Variants in FOCAD observed in about 807,000 individuals in gnomAD.
The protein encoded by FOCAD is KIAA1797.
A neutral mutation model predicts 225.6 loss-of-function variants in FOCAD; 198 were observed. That is an observed-to-expected ratio of 0.88 (90% CI 0.78 to 0.99). The LOEUF (loss-of-function observed/expected upper bound fraction) is 0.99. Ranked by LOEUF, FOCAD falls within the 50% of genes least tolerant of loss-of-function variation. The pLI is 0.00. For synonymous variants in FOCAD, 897 were observed against 755.0 expected (o/e 1.19, Z -3.08); for missense variants, 2,713 against 2,123.6 (o/e 1.28, Z -5.46).
At chr9:20,877,075 A>G (rs1338580326) in intron 19 of FOCAD, among the ~76,000 whole-genome samples, 1 of 152,194 alleles carries the variant, frequency 6.6e-6, no homozygotes, top group African/African-American at 2.4e-5. Flanking sequence ...TCACATAACC[A>G]TAGTATGATA....
upstream of FOCAD, among the ~76,000 whole-genome samples, chr9:20,681,272 A>C (rs999209303): frequency 6.6e-6 from 1 of 152,088 alleles, no homozygotes; most frequent in East Asian, 1.9e-4. Context: ...TTCTTTTTTT[A>C]ATAGAGATGG....
intron 5 of FOCAD, among the ~76,000 whole-genome samples, chr9:20,742,808 A>G (rs1827739759): frequency 6.6e-6 from 1 of 152,134 alleles, no homozygotes; most frequent in Admixed American, 6.6e-5. Context: ...CAATTGCTGC[A>G]AGGTGTGAAT....
intron 2 of FOCAD, among the ~76,000 whole-genome samples, chr9:20,716,518 C>G (rs887294210): frequency 1.3e-5 from 2 of 151,990 alleles, no homozygotes; most frequent in Non-Finnish European, 2.9e-5. Flanking sequence ...TAAATTCAAC[C>G]TGGTGGGGAA....
intron 21 of FOCAD, among the ~76,000 whole-genome samples, chr9:20,893,673 A>T (rs1831826958): frequency 6.6e-6 from 1 of 152,084 alleles, no homozygotes; most frequent in South Asian, 2.1e-4. Context: ...TTGAATTTAG[A>T]TGTGCTCTGT....
At chr9:20,926,884 TACAC>T (rs1320828599) in intron 26 of FOCAD, among the ~76,000 whole-genome samples, 1 of 151,028 alleles carries the variant, frequency 6.6e-6, no homozygotes. Flanking sequence ...GAACTTTAAA[TACAC>T]ACACACACGA....
intron 15 of FOCAD, among the ~76,000 whole-genome samples, chr9:20,829,423 T>C (rs1825266034): frequency 6.6e-6 from 1 of 152,084 alleles, no homozygotes; most frequent in African/African-American, 2.4e-5. Context: ...ATCTGTTTTT[T>C]TTTCAAACTA....
At chr9:20,928,351 A>C (rs1262104764) in intron 26 of FOCAD, among the ~76,000 whole-genome samples, 1 of 152,170 alleles carries the variant, frequency 6.6e-6, no homozygotes, top group Non-Finnish European at 1.5e-5. Flanking sequence ...TGCTATATTA[A>C]TTTAAAGTGT....
At chr9:20,729,777 C>T (rs1826518678) in intron 4 of FOCAD, among the ~76,000 whole-genome samples, 1 of 152,060 alleles carries the variant, frequency 6.6e-6, no homozygotes. Flanking sequence ...AGCTTTGAAA[C>T]ATAATTGTGC....
Position 20,802,770 on chromosome 9 carries a change from G to T in FOCAD, c.1455+13162G>T, listed in dbSNP as rs1048385131. 1.9e-4 allele frequency among the ~76,000 whole-genome samples: 29 copies of T among 152,066 alleles called. 1 individual carries two copies. The highest frequency in any genetic ancestry group is 4.1e-4 in the Non-Finnish European group (28 of 68,024). ...AGCTCAGGTTAATTTGATATAGGCG[G>T]AATTAAAACATAAGCAGGTGTTGAA... On this transcript the variant is annotated intron_variant, in intron 11 of 43. Coordinates refer to ENST00000338382, the MANE Select transcript of FOCAD (RefSeq NM_001375567.1).
At chr9:20,839,640 A>G (rs1826318060) in intron 15 of FOCAD, among the ~76,000 whole-genome samples, 1 of 148,256 alleles carries the variant, frequency 6.7e-6, no homozygotes, top group Non-Finnish European at 1.5e-5. Flanking sequence ...GAACTATGCA[A>G]TCACTTAATT....
At chr9:20,967,377 A>G (rs1479606656) in intron 35 of FOCAD, among the ~76,000 whole-genome samples, 1 of 152,148 alleles carries the variant, frequency 6.6e-6, no homozygotes, top group African/African-American at 2.4e-5. Context: ...ATATCCTGCA[A>G]CTTTATTGAA....
At chr9:20,944,606 T>G in intron 28 of FOCAD, 21 bp from the exon 29 acceptor site, 1 of 1,606,900 alleles carries the variant, frequency 6.2e-7, no homozygotes, top group Non-Finnish European at 8.5e-7. Flanking sequence ...TCCTAACATC[T>G]TATCTTTTTT....
At chr9:20,867,713 G>C (rs1829410869) in intron 18 of FOCAD, among the ~76,000 whole-genome samples, 1 of 152,016 alleles carries the variant, frequency 6.6e-6, no homozygotes, top group Non-Finnish European at 1.5e-5. Flanking sequence ...AATGCATACA[G>C]ATGTTTATTG....
At chr9:20,815,603 A>T (rs1420272390) in intron 11 of FOCAD, among the ~76,000 whole-genome samples, 1 of 151,342 alleles carries the variant, frequency 6.6e-6, no homozygotes, top group East Asian at 1.9e-4. Context: ...ATCTAGTCAT[A>T]GTCTTATAGG....
chr9:20,876,682 AT>A (rs1362917606), intron 19 of FOCAD, among the ~76,000 whole-genome samples: 1 of 152,134 alleles, frequency 6.6e-6, no homozygotes, highest in Non-Finnish European at 1.5e-5. Flanking sequence ...TTTTTCGTTG[AT>A]TATTAGAGAA....
intron 1 of FOCAD, among the ~76,000 whole-genome samples, chr9:20,695,955 A>G (rs1175796981): frequency 6.6e-6 from 1 of 152,274 alleles, no homozygotes; most frequent in Non-Finnish European, 1.5e-5. Context: ...TGCATGTGGC[A>G]TCCTTTTATC....
chr9:20,981,524 A>C lies in FOCAD; in HGVS notation c.4476A>C (p.Ala1492=), dbSNP rs1355868802. 6.2e-7 allele frequency: 1 copy of C among 1,614,092 alleles called. No homozygotes were observed. Among genetic ancestry groups the C allele is most frequent in the Non-Finnish European group, 8.5e-7 (1 of 1,179,990 alleles). The change falls in exon 38 of 44, where the codon GCA becomes GCC. Residue 1492 remains alanine, a synonymous_variant. Coordinates refer to ENST00000338382, the MANE Select transcript of FOCAD (RefSeq NM_001375567.1). ...ILGFVENLMV[A]VFKAASPLGS... is the part of the protein sequence containing the mutation. Reference sequence around the variant, plus strand: ...GTTTTGTTGAAAATTTAATGGTGGCAGTTTTTAAAGCAGCTTCCCCACTTG... The same window carrying C: ...GTTTTGTTGAAAATTTAATGGTGGCCGTTTTTAAAGCAGCTTCCCCACTTG...
upstream of FOCAD, among the ~76,000 whole-genome samples, chr9:20,680,488 G>T (rs78293901): frequency 2.0e-5 from 3 of 152,306 alleles, no homozygotes; most frequent in African/African-American, 7.2e-5. Flanking sequence ...AACCCAGGAG[G>T]TGGAGGTTGC....
upstream of FOCAD, among the ~76,000 whole-genome samples, chr9:20,680,421 G>C (rs961116622): frequency 6.6e-6 from 1 of 152,196 alleles, no homozygotes; most frequent in East Asian, 1.9e-4. Context: ...AGCTGGGCAT[G>C]GTGGCGCACG....
Sources: allele counts gnomAD v4.1 joint callset (sites outside exome capture counted in the v4.1 genomes callset), GRCh38; gene constraint gnomAD v4.1.1; transcripts MANE v1.5; gene names NCBI Gene and HGNC (gene_info 2026-07-23, HGNC 2026-07-21).